Variants in MTUS1 observed in about 807,000 individuals in gnomAD.
MTUS1 encodes microtubule-associated tumor suppressor 1.
Under a neutral mutation model 120.8 loss-of-function variants are expected in MTUS1, and 109 were observed. That is an observed-to-expected ratio of 0.90 (90% CI 0.77 to 1.06). The LOEUF is 1.06. Among genes scored for constraint, MTUS1 ranks in the 50% least tolerant of loss-of-function variants. The pLI, the probability that MTUS1 is intolerant of heterozygous loss-of-function variation, is 0.00. For missense variants in MTUS1, 2,210 were observed against 1,486.3 expected (o/e 1.49, Z -8.01); for synonymous variants, 737 against 550.5 (o/e 1.34, Z -4.74).
chr8:17,717,600 C>G (rs187465231), intron 4 of MTUS1, among the ~76,000 whole-genome samples: 2 of 152,232 alleles, frequency 1.3e-5, no homozygotes, highest in Admixed American at 1.3e-4. Context: ...ACCTAATATG[C>G]AATTGTATGA....
At chr8:17,769,033 C>G (rs975066881) in intron 1 of MTUS1, among the ~76,000 whole-genome samples, 1 of 152,038 alleles carries the variant, frequency 6.6e-6, no homozygotes, top group Non-Finnish European at 1.5e-5. Context: ...AGATAACTCA[C>G]ACTATGCAAT....
chr8:17,681,712 G>A lies in MTUS1; in HGVS notation c.2838+2616C>T, dbSNP rs538073036. 13 of 154,666 alleles carry A rather than the reference G, an allele frequency of 8.4e-5. No individual in the cohort carries two copies. In the South Asian group the frequency reaches 2.7e-3, roughly 32 times the overall value. 9.6% of individuals were successfully genotyped at this position (154,666 alleles called of 1,614,324 possible). A position where few individuals can be genotyped will look rare whatever the true frequency, so the allele number is the denominator to read the frequency against. ...TCTTTATGTACGGCTACAGCATCTG[G>A]GCATGATAATAACATTAAAAGGGGC... On this transcript the variant is annotated intron_variant, in intron 7 of 14. Transcript: ENST00000693296.
intron 2 of MTUS1, 27 bp downstream of exon 2, chr8:17,753,690 T>C (rs776106916): frequency 1.3e-5 from 19 of 1,463,160 alleles, no homozygotes; most frequent in African/African-American, 2.8e-5. Flanking sequence ...CTCTGAAGCA[T>C]GCAAAAAATA....
chr8:17,733,635 G>A (rs180721582), intron 3 of MTUS1, among the ~76,000 whole-genome samples: 63 of 152,182 alleles, frequency 4.1e-4, no homozygotes, highest in African/African-American at 1.4e-3. Flanking sequence ...ACAGGGCCCC[G>A]CATCCCTTTC....
Position 17,649,951 on chromosome 8 carries a change from C to A in MTUS1, c.3396G>T (p.Gln1132His). Residue 1132 changes from glutamine to histidine, a missense_variant, in exon 13 of 15, where the codon CAG becomes CAT. Gln to His is a conservative substitution (Grantham distance 24). Coordinates refer to ENST00000693296, the MANE Select transcript of MTUS1 (RefSeq NM_001363059.2). ...CTAACTCCTGTTCTAGATACATGAT[C>A]TGAGGATTTTTCTGGAAAGGACACA... is the stretch of plus-strand genomic sequence containing the variant. ...AREKANLKNP[Q>H]IMYLEQELES... 1 of 1,595,584 alleles carries A rather than the reference C, an allele frequency of 6.3e-7. No individual in the cohort carries two copies. The highest frequency in any genetic ancestry group is 2.2e-5 in the East Asian group (1 of 44,694).
intron 8 of MTUS1, among the ~76,000 whole-genome samples, chr8:17,656,546 C>CTG (rs1554460163): frequency 2.4e-5 from 1 of 42,328 alleles, no homozygotes; most frequent in African/African-American, 5.9e-5. Context: ...ACAAACAAAA[C>CTG]CCCCCCCCAC....
chr8:17,763,859 G>A (rs1200727816), intron 1 of MTUS1, among the ~76,000 whole-genome samples: 1 of 152,146 alleles, frequency 6.6e-6, no homozygotes, highest in Admixed American at 6.5e-5. Flanking sequence ...CTCTGGGCCT[G>A]GACCATAGAA....
intron 3 of MTUS1, among the ~76,000 whole-genome samples, chr8:17,730,942 A>T (rs1179011708): frequency 6.6e-6 from 1 of 152,206 alleles, no homozygotes; most frequent in East Asian, 1.9e-4. Flanking sequence ...AGAGCTGTAC[A>T]TTTAAAAAAT....
intron 6 of MTUS1, among the ~76,000 whole-genome samples, chr8:17,704,828 G>A (rs1252910622): frequency 6.6e-6 from 1 of 152,086 alleles, no homozygotes; most frequent in Non-Finnish European, 1.5e-5. Flanking sequence ...GATAGGGATT[G>A]CACTGAATCT....
intron 1 of MTUS1, among the ~76,000 whole-genome samples, chr8:17,789,140 C>G (rs2051554966): frequency 6.6e-6 from 1 of 151,904 alleles, no homozygotes. Flanking sequence ...TCAAGCGATT[C>G]TCCTGCCTCA....
chr8:17,714,097 T>A (rs1821856461), intron 5 of MTUS1, among the ~76,000 whole-genome samples: 1 of 151,762 alleles, frequency 6.6e-6, no homozygotes, highest in South Asian at 2.1e-4. Context: ...GGCTTTATCA[T>A]CATCAATAAA....
At chr8:17,724,726 C>A (rs760090605) in intron 3 of MTUS1, among the ~76,000 whole-genome samples, 2 of 152,156 alleles carry the variant, frequency 1.3e-5, no homozygotes, top group Non-Finnish European at 2.9e-5. Context: ...CGCTCTTAAC[C>A]CTCCTCATGC....
At chr8:17,679,526 C>T (rs1257460767) in intron 7 of MTUS1, among the ~76,000 whole-genome samples, 1 of 150,738 alleles carries the variant, frequency 6.6e-6, no homozygotes, top group Non-Finnish European at 1.5e-5. Flanking sequence ...TTTTTTGAGA[C>T]AGGGTCTCAC....
At position 17,715,671 on chromosome 8, in the gene MTUS1, C is replaced by T. The variant is rs780633553; in HGVS notation, c.2584+96G>A. 139 of 1,231,562 alleles carry T rather than the reference C, an allele frequency of 1.1e-4. 1 individual carries two copies. Among genetic ancestry groups the T allele is most frequent in the Admixed American group, 1.7e-4 (7 of 41,818 alleles). The allele number at this position is 1,231,562 out of a possible 1,614,324, so 76.3% of individuals were successfully genotyped here. A position where few individuals can be genotyped will look rare whatever the true frequency, so the allele number is the denominator to read the frequency against. ...TCAACATATTTGTAATCATTGTTGA[C>T]TATACCATAAACCTAATTGTCAAAA... is the stretch of plus-strand genomic sequence containing the variant. On this transcript the variant is annotated intron_variant, in intron 5 of 14. Coordinates refer to ENST00000693296, the MANE Select transcript of MTUS1 (RefSeq NM_001363059.2).
chr8:17,654,631 C>G lies in MTUS1; in HGVS notation c.3144G>C (p.Lys1048Asn). ...CTGAGTGGCTAGCTTCAATTTCCAA[C>G]TTAGAGGTTTCATGCGCAGCATTTA... ...DNLNAAHETS[K>N]LEIEASHSEK... is the part of the protein sequence containing the mutation. Residue 1048 changes from lysine to asparagine, a missense_variant, in exon 10 of 15, where the codon AAG (lysine) becomes AAC (asparagine). Physicochemically the swap from Lys to Asn is moderately conservative, Grantham distance 94 (BLOSUM62 0). Coordinates refer to ENST00000693296, the MANE Select transcript of MTUS1 (RefSeq NM_001363059.2). The G allele has an allele frequency of 6.2e-7, 1 of 1,614,180 alleles. No homozygotes were observed. Among genetic ancestry groups the G allele is most frequent in the Non-Finnish European group, 8.5e-7 (1 of 1,179,978 alleles).
At chr8:17,796,089 A>G (rs1414142887) in intron 1 of MTUS1, among the ~76,000 whole-genome samples, 1 of 151,980 alleles carries the variant, frequency 6.6e-6, no homozygotes, top group Non-Finnish European at 1.5e-5. Flanking sequence ...AGCTGGGATT[A>G]CAGGCGCCCA....
chr8:17,664,540 C>T (rs1046981327), intron 8 of MTUS1, among the ~76,000 whole-genome samples: 1 of 151,472 alleles, frequency 6.6e-6, no homozygotes, highest in South Asian at 2.1e-4. Flanking sequence ...GGGCCCCTCA[C>T]TCTCTCTTGG....
chr8:17,752,648 C>A (rs56026721), intron 2 of MTUS1, among the ~76,000 whole-genome samples: 10,309 of 152,194 alleles, frequency 0.068, 446 homozygotes, highest in South Asian at 0.16. Flanking sequence ...CCCCATGCAC[C>A]CTGAAGACAC....
At chr8:17,737,135 G>A (rs955260098) in intron 3 of MTUS1, among the ~76,000 whole-genome samples, 7 of 152,132 alleles carry the variant, frequency 4.6e-5, no homozygotes, top group South Asian at 2.1e-4. Context: ...CTGCATGCAC[G>A]TAAAGGACCA....
Sources: gnomAD v4.1 joint callset for allele counts (sites outside exome capture counted in the v4.1 genomes callset) on GRCh38, gnomAD v4.1.1 for gene constraint, MANE v1.5 for transcripts, NCBI Gene and HGNC (gene_info 2026-07-23, HGNC 2026-07-21) for gene names.